TRIM44: variants seen among roughly 807,000 people sequenced by gnomAD.
TRIM44 encodes the protein tripartite motif-containing protein 44.
In TRIM44, 13 loss-of-function variants were observed where a neutral mutation model predicts 37.4. That is an observed-to-expected ratio of 0.35 (90% CI 0.23 to 0.55). The LOEUF (loss-of-function observed/expected upper bound fraction) is 0.55. Among genes scored for constraint, TRIM44 ranks in the 20% least tolerant of loss-of-function variants. TRIM44 has a pLI of 0.89. For missense variants in TRIM44, 426 were observed against 437.2 expected, an observed-to-expected ratio of 0.97 and a Z score of 0.23; for synonymous variants, 175 against 157.2, an observed-to-expected ratio of 1.11 and a Z score of -0.85.
intron 4 of TRIM44, among the ~76,000 whole-genome samples, chr11:35,776,605 A>C (rs963400186): frequency 1.1e-4 from 16 of 152,274 alleles, no homozygotes; most frequent in Non-Finnish European, 2.4e-4. Context: ...TAGTGCTATA[A>C]ATTTCCCTCT....
At position 35,808,484 on chromosome 11, in the gene TRIM44, A is replaced by G. The variant is rs1457256840; in HGVS notation, c.*2099A>G. 1 of 152,214 alleles carries G rather than the reference A, an allele frequency of 6.6e-6. No individual in the cohort carries two copies. Among genetic ancestry groups the G allele is most frequent in the Admixed American group, 6.5e-5 (1 of 15,282 alleles). 9.4% of individuals were successfully genotyped at this position (152,214 alleles called of 1,614,324 possible). On this transcript the variant is annotated 3_prime_UTR_variant, in exon 5 of 5. Coordinates refer to ENST00000299413, the MANE Select transcript of TRIM44 (RefSeq NM_017583.6). The stretch of plus-strand genomic sequence containing the variant: ...TTTGATCTCCAAATAGTAGCCTTAT[A>G]TTAGCAATAGACAGATCATTGGTTC...
chr11:35,695,883 A>T (rs1056370013), intron 2 of TRIM44, among the ~76,000 whole-genome samples: 1 of 147,910 alleles, frequency 6.8e-6, no homozygotes, highest in Non-Finnish European at 1.5e-5. Flanking sequence ...TCTGAAGAAG[A>T]TTAAACTTTT....
At chr11:35,795,283 A>G (rs553705518) in intron 4 of TRIM44, among the ~76,000 whole-genome samples, 4 of 152,288 alleles carry the variant, frequency 2.6e-5, no homozygotes, top group African/African-American at 9.6e-5. Flanking sequence ...TGGGGTACTG[A>G]TATAATCTAT....
intron 1 of TRIM44, among the ~76,000 whole-genome samples, chr11:35,668,247 G>A (rs1250214946): frequency 3.3e-5 from 5 of 152,154 alleles, no homozygotes; most frequent in Non-Finnish European, 5.9e-5. Flanking sequence ...TGTGCAGGAT[G>A]TGCAGGTTTG....
At chr11:35,670,680 G>T (rs938219237) in intron 1 of TRIM44, among the ~76,000 whole-genome samples, 2 of 152,016 alleles carry the variant, frequency 1.3e-5, no homozygotes, top group Non-Finnish European at 2.9e-5. Flanking sequence ...ATGTCAATTT[G>T]GTTATTTATT....
At chr11:35,702,311 G>A (rs1198400995) in intron 2 of TRIM44, among the ~76,000 whole-genome samples, 1 of 152,158 alleles carries the variant, frequency 6.6e-6, no homozygotes, top group Non-Finnish European at 1.5e-5. Flanking sequence ...GGGCAGCGAG[G>A]GTGTGGGCGG....
In TRIM44 at chr11:35,764,718, G is replaced by A. The variant is rs141016039; in HGVS notation, c.1007+29273G>A. On this transcript the variant is annotated intron_variant, in intron 4 of 4. Coordinates refer to ENST00000299413, the MANE Select transcript of TRIM44 (RefSeq NM_017583.6). ...AGGAAGACGGTTTGCACCTTGCATC[G>A]TAGGAAGTAGTTTACAAAGCTGAGT... Among the ~76,000 whole-genome samples, 331 of 152,244 alleles carry A rather than the reference G, an allele frequency of 2.2e-3. 2 individuals are homozygous for A. Among genetic ancestry groups the A allele is most frequent in the African/African-American group, 6.6e-3 (276 of 41,556 alleles).
At chr11:35,664,681 T>C (rs1590483997) in intron 1 of TRIM44, among the ~76,000 whole-genome samples, 1 of 152,208 alleles carries the variant, frequency 6.6e-6, no homozygotes, top group Admixed American at 6.5e-5. Flanking sequence ...AGGTTTTCCC[T>C]TTTTTAGTGC....
Position 35,810,759 on chromosome 11 carries a change from T to C in TRIM44, c.*4374T>C, listed in dbSNP as rs1328774427. On this transcript the variant is annotated 3_prime_UTR_variant, in exon 5 of 5. Coordinates refer to ENST00000299413, the MANE Select transcript of TRIM44 (RefSeq NM_017583.6). ...AATGAGGGTTAAACCTGACCAGTCT[T>C]TCTACAGTGACAGGCCACACTGCAT... The C allele has an allele frequency of 6.6e-6, 1 of 152,182 alleles. No homozygotes were observed. Among genetic ancestry groups the C allele is most frequent in the East Asian group, 1.9e-4 (1 of 5,204 alleles). 9.4% of individuals were successfully genotyped at this position (152,182 alleles called of 1,614,324 possible). A position where few individuals can be genotyped will look rare whatever the true frequency, so the allele number is the denominator to read the frequency against.
intron 2 of TRIM44, among the ~76,000 whole-genome samples, chr11:35,692,525 G>A (rs754440074): frequency 2.0e-5 from 3 of 152,172 alleles, no homozygotes; most frequent in Non-Finnish European, 2.9e-5. Flanking sequence ...AAATGCTTCA[G>A]TGAGCGTTTC....
At chr11:35,717,669 G>A (rs1437913844) in intron 2 of TRIM44, among the ~76,000 whole-genome samples, 2 of 152,114 alleles carry the variant, frequency 1.3e-5, no homozygotes, top group Admixed American at 6.6e-5. Flanking sequence ...AACCCACTGG[G>A]CGGTTACAAA....
Position 35,728,224 on chromosome 11 carries a change from G to A in TRIM44, c.987+2061G>A, listed in dbSNP as rs1474816382. On this transcript the variant is annotated intron_variant, in intron 3 of 4. Coordinates refer to ENST00000299413, the MANE Select transcript of TRIM44 (RefSeq NM_017583.6). ...ACCTGCAGTCCCAGCTACTTGGGAG[G>A]CTGAGGCAGAAGAATCGCTTGAACC... 2.0e-5 allele frequency among the ~76,000 whole-genome samples: 3 copies of A among 152,166 alleles called. No homozygotes were observed. In the East Asian group the frequency reaches 5.8e-4, roughly 29 times the overall value.
At chr11:35,721,673 A>C (rs1027448485) in intron 2 of TRIM44, among the ~76,000 whole-genome samples, 1 of 152,236 alleles carries the variant, frequency 6.6e-6, no homozygotes. Context: ...TTCATTCTCA[A>C]TACCCCATTG....
At chr11:35,752,152 C>CT (rs201354964) in intron 4 of TRIM44, among the ~76,000 whole-genome samples, 14,631 of 146,838 alleles carry the variant, frequency 0.1, 877 homozygotes, top group Non-Finnish European at 0.14. Context: ...CAATATCTTT[C>CT]TTTTTTTTTT....
chr11:35,798,095 G>A (rs748808285), intron 4 of TRIM44, among the ~76,000 whole-genome samples: 1 of 152,072 alleles, frequency 6.6e-6, no homozygotes, highest in Non-Finnish European at 1.5e-5. Context: ...ACATTGGTTC[G>A]GTCCAGAAAG....
intron 4 of TRIM44, among the ~76,000 whole-genome samples, chr11:35,765,608 A>T (rs1175293690): frequency 2.6e-5 from 4 of 152,144 alleles, no homozygotes; most frequent in African/African-American, 9.7e-5. Context: ...CTTTGTCAGC[A>T]TTGTGCTTTA....
At chr11:35,731,442 A>G (rs3105264) in intron 3 of TRIM44, among the ~76,000 whole-genome samples, 4,100 of 152,254 alleles carry the variant, frequency 0.027, 139 homozygotes, top group African/African-American at 0.078. Flanking sequence ...CCATTTGGCC[A>G]TGATGTATAA....
intron 2 of TRIM44, among the ~76,000 whole-genome samples, chr11:35,702,083 CA>C (rs537824829): frequency 6.6e-6 from 1 of 152,228 alleles, no homozygotes; most frequent in Non-Finnish European, 1.5e-5. Context: ...TGGGGTAACC[CA>C]GTCAACATTT....
chr11:35,743,677 G>A (rs983569216), intron 4 of TRIM44, among the ~76,000 whole-genome samples: 1 of 152,046 alleles, frequency 6.6e-6, no homozygotes, highest in Non-Finnish European at 1.5e-5. Context: ...TTACATAAAA[G>A]ACACTGATAT....
Sources: allele counts gnomAD v4.1 joint callset (sites outside exome capture counted in the v4.1 genomes callset), GRCh38; gene constraint gnomAD v4.1.1; transcripts MANE v1.5; gene names NCBI Gene and HGNC (gene_info 2026-07-23, HGNC 2026-07-21).